RANBP2: variants seen among roughly 807,000 people sequenced by gnomAD.
RANBP2 encodes RAN binding protein 2.
A neutral mutation model predicts 303.6 loss-of-function variants in RANBP2; 57 were observed. The ratio of observed to expected loss-of-function variants is 0.19; its 90% CI spans 0.15 to 0.23. The LOEUF (loss-of-function observed/expected upper bound fraction) is 0.23, where lower values mean the gene tolerates loss of function less well. Ranked by LOEUF, RANBP2 falls within the 10% of genes least tolerant of loss-of-function variation. The pLI is 1.00. For missense variants in RANBP2, 3,138 were observed against 3,780.8 expected (o/e 0.83, Z 4.46); for synonymous variants, 1,167 against 1,301.5 (o/e 0.90, Z 2.23).
chr2:109,099,429 C>T, the RANBP2 span, among the ~76,000 whole-genome samples: 31 of 152,270 alleles, frequency 2.0e-4, no homozygotes, highest in Middle Eastern at 3.4e-3. Flanking sequence ...TGTAAATCAA[C>T]AGTGGAGCAA....
the RANBP2 span, among the ~76,000 whole-genome samples, chr2:109,217,161 T>C: frequency 3.3e-5 from 5 of 152,242 alleles, no homozygotes; most frequent in African/African-American, 1.2e-4. Flanking sequence ...CCACATCTTG[T>C]TTATTCATTC....
At chr2:108,719,994 C>T in intron 1 of RANBP2, 3 of 985,270 alleles carry the variant, frequency 3.0e-6, no homozygotes, top group Non-Finnish European at 3.6e-6. Context: ...CCCCGTAGTA[C>T]CCGCGCGGCC....
chr2:109,466,361 G>A, the RANBP2 span, among the ~76,000 whole-genome samples: 2,464 of 152,268 alleles, frequency 0.016, 70 homozygotes, highest in African/African-American at 0.057. Context: ...GATTATAGGC[G>A]TGAGTCCTGC....
At position 108,777,686 on chromosome 2, in the gene RANBP2, T is replaced by A. The variant is rs1677983488; in HGVS notation, c.8599+455T>A. Among the ~76,000 whole-genome samples, 3 of 152,186 alleles carry A rather than the reference T, an allele frequency of 2.0e-5. No homozygotes were observed. In the South Asian group the frequency reaches 6.2e-4, roughly 31 times the overall value. On this transcript the variant is annotated intron_variant, in intron 25 of 28. Coordinates refer to ENST00000283195, the MANE Select transcript of RANBP2 (RefSeq NM_006267.5). ...TTATAATTGGTGTGCTTGCCCATCT[T>A]CTTTAGTGGAGTTTCTATTTTTAAT...
the RANBP2 span, among the ~76,000 whole-genome samples, chr2:109,478,503 GA>G: frequency 6.6e-6 from 1 of 152,202 alleles, no homozygotes; most frequent in East Asian, 1.9e-4. Context: ...TGCTTTCCAT[GA>G]AAATGTACTG....
the RANBP2 span, among the ~76,000 whole-genome samples, chr2:108,991,505 G>A: frequency 1.3e-5 from 2 of 152,182 alleles, no homozygotes; most frequent in African/African-American, 4.8e-5. Flanking sequence ...ATGTAATTTA[G>A]AACAAATGAA....
the RANBP2 span, among the ~76,000 whole-genome samples, chr2:108,900,560 G>GAA: frequency 1.8e-4 from 8 of 43,456 alleles, no homozygotes; most frequent in Admixed American, 3.2e-4. Context: ...CAAAAAAAAA[G>GAA]AAAAAAAAAA....
the RANBP2 span, among the ~76,000 whole-genome samples, chr2:108,976,356 C>A: frequency 1.3e-5 from 2 of 152,172 alleles, no homozygotes; most frequent in Non-Finnish European, 2.9e-5. Flanking sequence ...ACCACAGAGG[C>A]AATGTGCCAT....
the RANBP2 span, chr2:109,436,936 G>A: frequency 2.5e-5 from 40 of 1,613,612 alleles, no homozygotes; most frequent in Admixed American, 4.0e-4. Context: ...TAATGTAGTC[G>A]GAGGGTCTCC....
the RANBP2 span, among the ~76,000 whole-genome samples, chr2:109,053,001 G>A: frequency 1.3e-5 from 2 of 152,186 alleles, no homozygotes; most frequent in South Asian, 4.1e-4. Flanking sequence ...CCCTTCCCCT[G>A]TTGAGTCTCC....
At chr2:108,904,320 G>A in the RANBP2 span, among the ~76,000 whole-genome samples, 1 of 152,174 alleles carries the variant, frequency 6.6e-6, no homozygotes, top group Non-Finnish European at 1.5e-5. Context: ...CCAAATGCTG[G>A]CAAGCATATG....
chr2:109,367,473 G>T, the RANBP2 span, among the ~76,000 whole-genome samples: 74 of 151,772 alleles, frequency 4.9e-4, no homozygotes, highest in East Asian at 0.013. Context: ...ATAGAAACGG[G>T]GTTTCACCAT....
chr2:109,463,318 T>C, the RANBP2 span, among the ~76,000 whole-genome samples: 8 of 152,232 alleles, frequency 5.3e-5, no homozygotes, highest in African/African-American at 1.9e-4. Context: ...TGTCTCACGG[T>C]ATTACCACCT....
At chr2:109,358,615 C>T in the RANBP2 span, among the ~76,000 whole-genome samples, 3 of 152,330 alleles carry the variant, frequency 2.0e-5, no homozygotes, top group East Asian at 5.8e-4. Context: ...AGGTCTTTGA[C>T]TCACCATTCA....
Position 108,748,979 on chromosome 2 carries a change from A to T in RANBP2, c.1123A>T (p.Thr375Ser), listed in dbSNP as rs568766008. The T allele has an allele frequency of 6.8e-6, 11 of 1,612,002 alleles. No homozygotes were observed. In the African/African-American group the frequency reaches 1.3e-4, roughly 20 times the overall value. ...AGATTTTTTAAAAGAGATTGTTGAA[A>T]CTTTTGCCAACAAAAGCGGGCAGTC... ...KQDFLKEIVE[T>S]FANKSGQSAL... Residue 375 changes from threonine to serine, a missense_variant, in exon 9 of 29, where the codon ACT (threonine) becomes TCT (serine). Physicochemically the swap from Thr to Ser is moderately conservative, Grantham distance 58 (BLOSUM62 1). Transcript: ENST00000283195.
chr2:108,912,132 G>A, the RANBP2 span, among the ~76,000 whole-genome samples: 1 of 152,118 alleles, frequency 6.6e-6, no homozygotes, highest in East Asian at 1.9e-4. Context: ...TGAGACCTGG[G>A]CCCGAAACAT....
chr2:109,146,806 C>G, the RANBP2 span, among the ~76,000 whole-genome samples: 1 of 119,992 alleles, frequency 8.3e-6, no homozygotes, highest in Non-Finnish European at 1.7e-5. Flanking sequence ...CCCATTCCTT[C>G]TGTTTTCCTC....
the RANBP2 span, among the ~76,000 whole-genome samples, chr2:109,023,024 C>T: frequency 6.6e-6 from 1 of 151,918 alleles, no homozygotes; most frequent in Non-Finnish European, 1.5e-5. Context: ...GCACTCCAGC[C>T]TGGGTGACAG....
chr2:109,157,961 G>A, the RANBP2 span, among the ~76,000 whole-genome samples: 1 of 152,146 alleles, frequency 6.6e-6, no homozygotes, highest in African/African-American at 2.4e-5. Context: ...TAGTGACGAG[G>A]GAGTACTTGC....
Sources: allele counts gnomAD v4.1 joint callset (sites outside exome capture counted in the v4.1 genomes callset), GRCh38; gene constraint gnomAD v4.1.1; transcripts MANE v1.5; gene names NCBI Gene and HGNC (gene_info 2026-07-23, HGNC 2026-07-21).